The following CEP89 variants were observed in gnomAD, a reference collection of about 807,000 sequenced individuals.
The protein encoded by CEP89 is centrosomal protein of 89 kDa.
CEP89 carries 95 observed loss-of-function variants against 97.6 expected under a neutral mutation model. That is an observed-to-expected ratio of 0.97 (90% CI 0.82 to 1.15). CEP89 has a LOEUF of 1.15. CEP89 is among the 50% of genes most tolerant of loss of function. CEP89 has a pLI of 0.00. For synonymous variants in CEP89, 354 were observed against 349.1 expected (o/e 1.01, Z -0.16); for missense variants, 869 against 947.7 (o/e 0.92, Z 1.09).
intron 5 of CEP89, among the ~76,000 whole-genome samples, chr19:32,945,582 G>A (rs1970780896): frequency 6.6e-6 from 1 of 152,208 alleles, no homozygotes; most frequent in South Asian, 2.1e-4. Flanking sequence ...TCTGTAGAGG[G>A]TGCTGGAGAG....
chr19:32,971,680 G>T, intron 1 of CEP89, 156 bp downstream of exon 1: 36 of 659,864 alleles, frequency 5.5e-5, no homozygotes, highest in Non-Finnish European at 8.0e-5. Flanking sequence ...AAAAAGTTTA[G>T]AACACGAAAA....
At chr19:32,958,273 T>C (rs12608464) in intron 3 of CEP89, among the ~76,000 whole-genome samples, 29,699 of 151,982 alleles carry the variant, frequency 0.2, 2,948 homozygotes, top group East Asian at 0.23. Context: ...ACATTAAGTA[T>C]TTATATAATA....
intron 6 of CEP89, among the ~76,000 whole-genome samples, chr19:32,938,278 G>A (rs1427538809): frequency 1.3e-5 from 2 of 152,250 alleles, no homozygotes; most frequent in African/African-American, 2.4e-5. Flanking sequence ...GTGGGCTCAC[G>A]TTGAAAAGCA....
At chr19:32,967,921 A>G (rs1971318371) in intron 1 of CEP89, among the ~76,000 whole-genome samples, 1 of 152,196 alleles carries the variant, frequency 6.6e-6, no homozygotes, top group East Asian at 1.9e-4. Flanking sequence ...GGAAATCCCA[A>G]GGCCTAGTGA....
chr19:32,934,855 G>A (rs11667129), intron 7 of CEP89, among the ~76,000 whole-genome samples: 23,069 of 152,152 alleles, frequency 0.15, 2,052 homozygotes, highest in Non-Finnish European at 0.21. Context: ...GCTCGCACCT[G>A]CAATCCCAGC....
At chr19:32,884,029 T>A (rs1157573275) in intron 17 of CEP89, among the ~76,000 whole-genome samples, 1 of 152,116 alleles carries the variant, frequency 6.6e-6, no homozygotes, top group Non-Finnish European at 1.5e-5. Flanking sequence ...TGGAGTGCAG[T>A]GGCTGTTAAC....
chr19:32,923,874 T>G (rs979071067), intron 11 of CEP89, among the ~76,000 whole-genome samples: 8 of 152,210 alleles, frequency 5.3e-5, no homozygotes, highest in African/African-American at 1.9e-4. Flanking sequence ...AACGCTGACA[T>G]TTTTCCTTTG....
intron 4 of CEP89, among the ~76,000 whole-genome samples, chr19:32,951,534 T>TATATATATATATATATATACAC (rs1407110112): frequency 8.2e-6 from 1 of 122,038 alleles, no homozygotes; most frequent in African/African-American, 3.4e-5. Flanking sequence ...TATATATATA[T>TATATATATATATATATATACAC]ACACACACAC....
intron 17 of CEP89, among the ~76,000 whole-genome samples, chr19:32,884,061 C>A (rs956842833): frequency 3.3e-5 from 5 of 152,060 alleles, no homozygotes; most frequent in African/African-American, 1.2e-4. Context: ...TTCTGCACTA[C>A]AGCCTCGAAC....
chr19:32,903,605 C>T (rs1436390769), intron 14 of CEP89, among the ~76,000 whole-genome samples: 1 of 152,128 alleles, frequency 6.6e-6, no homozygotes, highest in Non-Finnish European at 1.5e-5. Context: ...ATGGGACTAA[C>T]AGCAGATTAG....
intron 13 of CEP89, among the ~76,000 whole-genome samples, chr19:32,916,989 C>A (rs1000044292): frequency 6.6e-6 from 1 of 152,068 alleles, no homozygotes; most frequent in Non-Finnish European, 1.5e-5. Flanking sequence ...GTCTGGGCGA[C>A]AGAGTGAGAC....
rs150485517 is a variant in CEP89, at chr19:32,956,115, G to T, written c.306-2314C>A. Among the ~76,000 whole-genome samples the T allele has an allele frequency of 6.0e-3, 867 of 145,262 alleles. 9 individuals are homozygous for T. Among genetic ancestry groups the T allele is most frequent in the African/African-American group, 0.022 (834 of 38,196 alleles). On this transcript the variant is annotated intron_variant, in intron 3 of 18. Coordinates refer to ENST00000305768, the MANE Select transcript of CEP89 (RefSeq NM_032816.5). ...CTGTCCCCCAGGCTGGAGTGCAGTG[G>T]CTCCATCTTGGCTCACTGCAAGCTC...
chr19:32,951,116 C>T (rs962524019), intron 4 of CEP89, among the ~76,000 whole-genome samples: 4 of 152,062 alleles, frequency 2.6e-5, no homozygotes, highest in East Asian at 3.9e-4. Flanking sequence ...ATGATTTACT[C>T]ACTTCTTGTG....
chr19:32,904,170 T>TGAAA (rs890092632), intron 14 of CEP89, among the ~76,000 whole-genome samples: 6 of 152,114 alleles, frequency 3.9e-5, no homozygotes, highest in African/African-American at 1.2e-4. Context: ...AAAAAGGGTC[T>TGAAA]GAAAGAAAGA....
Position 32,918,348 on chromosome 19 carries a change from G to A in CEP89, c.1269-9C>T. On this transcript the variant is annotated splice_polypyrimidine_tract_variant and intron_variant, in intron 12 of 18. Transcript: ENST00000305768. ...GAGTCTGAAGCTGACGCCTGCAATT[G>A]ATTTACAAGATGAAATACTGTGATT... is the stretch of plus-strand genomic sequence containing the variant. 1 of 1,589,648 alleles carries A rather than the reference G, an allele frequency of 6.3e-7. No individual in the cohort carries two copies.
At chr19:32,881,759 A>G (rs765110049) in intron 18 of CEP89, 85 bp downstream of exon 18, 12 of 1,300,028 alleles carry the variant, frequency 9.2e-6, no homozygotes, top group Non-Finnish European at 1.2e-5. Flanking sequence ...TGGAACAAAT[A>G]AAACAGGCCC....
At chr19:32,932,362 T>G (rs964453599) in intron 8 of CEP89, among the ~76,000 whole-genome samples, 16 of 152,154 alleles carry the variant, frequency 1.1e-4, no homozygotes, top group African/African-American at 3.6e-4. Flanking sequence ...ATAAGAATTA[T>G]GCAGGGTCTA....
intron 9 of CEP89, among the ~76,000 whole-genome samples, chr19:32,929,884 C>G (rs1281879460): frequency 6.6e-6 from 1 of 152,108 alleles, no homozygotes; most frequent in African/African-American, 2.4e-5. Flanking sequence ...GATTTCATTT[C>G]TATGAAATGT....
Position 32,880,283 on chromosome 19 carries a change from C to T in CEP89, c.2136-905G>A, listed in dbSNP as rs186731102. On this transcript the variant is annotated intron_variant, in intron 18 of 18. Transcript: ENST00000305768. ...ACTGGATTTGCAGGTGGACTTCGCA[C>T]CACGGTTTAAAGAGCAGGACACTGA... Among the ~76,000 whole-genome samples, 287 of 152,316 alleles carry T rather than the reference C, an allele frequency of 1.9e-3. 1 individual carries two copies. Among genetic ancestry groups the T allele is most frequent in the Middle Eastern group, 6.8e-3 (2 of 294 alleles).
Sources: allele counts gnomAD v4.1 joint callset (sites outside exome capture counted in the v4.1 genomes callset), GRCh38; gene constraint gnomAD v4.1.1; transcripts MANE v1.5; gene names NCBI Gene and HGNC (gene_info 2026-07-23, HGNC 2026-07-21).